The following SGK3 variants were observed in gnomAD, a reference collection of about 807,000 sequenced individuals.
SGK3 encodes serum/glucocorticoid regulated kinase family member 3, also known as serine/threonine-protein kinase Sgk3.
SGK3 carries 47 observed loss-of-function variants against 68.5 expected under a neutral mutation model. The observed-to-expected ratio is 0.69, with a 90% CI of 0.54 to 0.87. The LOEUF (loss-of-function observed/expected upper bound fraction) is 0.87, where lower values mean the gene tolerates loss of function less well. Ranked by LOEUF, SGK3 falls within the 40% of genes least tolerant of loss-of-function variation. The probability of loss-of-function intolerance (pLI) is 0.00; values close to 1 mark genes in which losing one functional copy is unlikely to be tolerated. For missense variants in SGK3, 479 were observed against 575.5 expected, an observed-to-expected ratio of 0.83 and a Z score of 1.72; for synonymous variants, 181 against 189.1, an observed-to-expected ratio of 0.96 and a Z score of 0.35.
At chr8:66,844,625 G>A (rs960371041) in intron 14 of SGK3, among the ~76,000 whole-genome samples, 18 of 152,168 alleles carry the variant, frequency 1.2e-4, no homozygotes, top group African/African-American at 4.3e-4. Context: ...TCCCCTAAGT[G>A]TCCAGCAGCC....
In SGK3 at chr8:66,778,860, A is replaced by T. The variant is rs573825178; in HGVS notation, c.-121-14756A>T. 2.7e-3 allele frequency among the ~76,000 whole-genome samples: 416 copies of T among 152,286 alleles called. 2 individuals are homozygous for T. The highest frequency in any genetic ancestry group is 4.3e-3 in the Non-Finnish European group (294 of 68,018). On this transcript the variant is annotated intron_variant, in intron 1 of 16. Coordinates refer to ENST00000521198, the MANE Select transcript of SGK3 (RefSeq NM_001033578.3). ...TTTAAAAGTACGCAGTAAATTCAGG[A>T]AACCATCAGGAGAAGACAACTTTAT...
intron 1 of SGK3, among the ~76,000 whole-genome samples, chr8:66,727,653 T>TGAGG (rs1805023008): frequency 6.6e-6 from 1 of 152,224 alleles, no homozygotes; most frequent in African/African-American, 2.4e-5. Flanking sequence ...TTCTGCCGTA[T>TGAGG]GAGGACACAG....
At chr8:66,766,249 G>A (rs1401163269) in intron 1 of SGK3, among the ~76,000 whole-genome samples, 1 of 152,002 alleles carries the variant, frequency 6.6e-6, no homozygotes, top group Non-Finnish European at 1.5e-5. Context: ...TTGGCCGGGT[G>A]TGGTGGCTCA....
Position 66,814,029 on chromosome 8 carries a change from T to G in SGK3, c.329+101T>G, listed in dbSNP as rs1001250061. 3 of 876,466 alleles carry G rather than the reference T, an allele frequency of 3.4e-6. No homozygotes were observed. The African/African-American group carries it at 5.3e-5, about 15-fold the overall frequency. The allele number at this position is 876,466 out of a possible 1,614,324, so 54.3% of individuals were successfully genotyped here. A position where few individuals can be genotyped will look rare whatever the true frequency, so the allele number is the denominator to read the frequency against. On this transcript the variant is annotated intron_variant, in intron 5 of 16. Transcript: ENST00000521198. ...TTGTTTGTTCTATGAAATGTTACTG[T>G]GCTATATATGTTTGTAAAATCTTCT...
chr8:66,724,161 ACAGGGTCTAGTGAGGATCCTGTTGCC>A (rs1387806554), intron 1 of SGK3, among the ~76,000 whole-genome samples: 3 of 152,082 alleles, frequency 2.0e-5, no homozygotes, highest in African/African-American at 7.2e-5. Flanking sequence ...TTTTCTAGAG[ACAGGGTCTAGTGAGGATCCTGTTGCC>A]CAGGCTAGTC....
intron 1 of SGK3, among the ~76,000 whole-genome samples, chr8:66,746,052 A>G (rs762065764): frequency 6.6e-6 from 1 of 152,200 alleles, no homozygotes; most frequent in African/African-American, 2.4e-5. Flanking sequence ...AGGGACCACC[A>G]TAGATTATAG....
At chr8:66,836,926 A>G (rs557683936) in intron 10 of SGK3, among the ~76,000 whole-genome samples, 1 of 152,120 alleles carries the variant, frequency 6.6e-6, no homozygotes, top group South Asian at 2.1e-4. Context: ...GTTTCAACCA[A>G]TCTCTTAAGT....
chr8:66,824,917 G>A (rs1429891477), intron 6 of SGK3, among the ~76,000 whole-genome samples: 1 of 152,102 alleles, frequency 6.6e-6, no homozygotes, highest in Non-Finnish European at 1.5e-5. Context: ...TAAGGTTATG[G>A]ATTTTAAAAA....
chr8:66,771,531 A>G (rs1475703147), intron 1 of SGK3, among the ~76,000 whole-genome samples: 1 of 152,224 alleles, frequency 6.6e-6, no homozygotes, highest in Non-Finnish European at 1.5e-5. Flanking sequence ...GAGCTTGCTA[A>G]CATAGGGAAT....
At chr8:66,723,112 TATATATATATATATA>T (rs1402840433) in intron 1 of SGK3, among the ~76,000 whole-genome samples, 129 of 50,700 alleles carry the variant, frequency 2.5e-3, no homozygotes, top group African/African-American at 6.2e-3. Flanking sequence ...TATATATATA[TATATATATATATATA>T]TATATTTTTT....
intron 5 of SGK3, among the ~76,000 whole-genome samples, chr8:66,820,379 A>T (rs1313283421): frequency 6.6e-6 from 1 of 152,156 alleles, no homozygotes. Context: ...AGCATGTGTT[A>T]GTGCTCTTCG....
intron 1 of SGK3, among the ~76,000 whole-genome samples, chr8:66,727,341 C>G (rs1281255964): frequency 6.6e-6 from 1 of 152,172 alleles, no homozygotes; most frequent in Non-Finnish European, 1.5e-5. Flanking sequence ...AAGTGATCCA[C>G]CCACCTTGGC....
chr8:66,815,368 C>A (rs1051759692), intron 5 of SGK3, among the ~76,000 whole-genome samples: 1 of 152,182 alleles, frequency 6.6e-6, no homozygotes, highest in Non-Finnish European at 1.5e-5. Flanking sequence ...GTATCCTCTG[C>A]CACCTCTGGC....
At chr8:66,749,548 T>A (rs2130427166) in intron 1 of SGK3, among the ~76,000 whole-genome samples, 1 of 152,296 alleles carries the variant, frequency 6.6e-6, no homozygotes, top group African/African-American at 2.4e-5. Context: ...ATGGAATTGC[T>A]AGACCAGTTG....
chr8:66,800,433 C>T (rs867258793), intron 3 of SGK3, among the ~76,000 whole-genome samples: 3 of 141,340 alleles, frequency 2.1e-5, no homozygotes, highest in Admixed American at 7.4e-5. Context: ...ATGTGCACAA[C>T]GTGCAGGTTT....
chr8:66,724,298 T>C (rs907597747), intron 1 of SGK3, among the ~76,000 whole-genome samples: 16 of 152,158 alleles, frequency 1.1e-4, no homozygotes, highest in African/African-American at 3.9e-4. Context: ...CTTTTAAAAG[T>C]CCACTAAGGC....
chr8:66,726,221 T>C lies in SGK3; in HGVS notation c.-122+13388T>C, dbSNP rs77507619. The stretch of plus-strand genomic sequence containing the variant: ...GCTGGGTGCTTTAGAGACATTATTT[T>C]CTTAAATACTCATAATAACGCTGTG... On this transcript the variant is annotated intron_variant, in intron 1 of 16. Transcript: ENST00000521198. Among the ~76,000 whole-genome samples the C allele has an allele frequency of 7.7e-3, 1,180 of 152,298 alleles. 11 individuals are homozygous for C. Among genetic ancestry groups the C allele is most frequent in the African/African-American group, 0.027 (1,109 of 41,566 alleles).
chr8:66,791,971 A>G (rs1807475529), intron 1 of SGK3, among the ~76,000 whole-genome samples: 1 of 152,092 alleles, frequency 6.6e-6, no homozygotes, highest in Non-Finnish European at 1.5e-5. Context: ...CAGATGTTGT[A>G]CTCTTTGTTG....
chr8:66,844,870 C>T (rs1809944971), intron 14 of SGK3, among the ~76,000 whole-genome samples: 1 of 152,210 alleles, frequency 6.6e-6, no homozygotes, highest in African/African-American at 2.4e-5. Context: ...TGACTGTGAC[C>T]TGCATGTTAA....
Sources: allele counts gnomAD v4.1 joint callset (sites outside exome capture counted in the v4.1 genomes callset), GRCh38; gene constraint gnomAD v4.1.1; transcripts MANE v1.5; gene names NCBI Gene and HGNC (gene_info 2026-07-23, HGNC 2026-07-21).